The following TRPM3 variants were observed in gnomAD, a reference collection of about 807,000 sequenced individuals.
The protein encoded by TRPM3 is long transient receptor potential channel 3.
A neutral mutation model predicts 181.2 loss-of-function variants in TRPM3; 77 were observed. The observed-to-expected ratio is 0.42, with a 90% CI of 0.35 to 0.51. The LOEUF is 0.51. TRPM3 is among the 20% of genes least tolerant of loss of function. The pLI is 0.01. For synonymous variants in TRPM3, 745 were observed against 796.4 expected, an observed-to-expected ratio of 0.94 and a Z score of 1.09; for missense variants, 1,759 against 2,196.7, an observed-to-expected ratio of 0.80 and a Z score of 3.98.
intron 1 of TRPM3, among the ~76,000 whole-genome samples, chr9:71,431,649 A>C (rs76624807): frequency 2.6e-5 from 4 of 152,334 alleles, no homozygotes; most frequent in Non-Finnish European, 5.9e-5. Context: ...GGGTAGTTAT[A>C]TTTGAATTCT....
chr9:70,659,393 C>T (rs1437362869), intron 9 of TRPM3, among the ~76,000 whole-genome samples: 1 of 152,110 alleles, frequency 6.6e-6, no homozygotes, highest in African/African-American at 2.4e-5. Flanking sequence ...TGACCCAACT[C>T]ATAGGTATTT....
intron 3 of TRPM3, 65 bp downstream of exon 3, chr9:70,862,843 C>T: frequency 6.5e-7 from 1 of 1,533,944 alleles, no homozygotes. Flanking sequence ...TGCTCTTAAC[C>T]ACCCCTTTGC....
chr9:71,319,490 G>T (rs547756468), intron 1 of TRPM3, among the ~76,000 whole-genome samples: 1 of 152,048 alleles, frequency 6.6e-6, no homozygotes, highest in South Asian at 2.1e-4. Context: ...TTCCTCTACC[G>T]TTCTGTTTTA....
At chr9:70,646,629 G>T (rs2058891785) in intron 9 of TRPM3, among the ~76,000 whole-genome samples, 1 of 151,988 alleles carries the variant, frequency 6.6e-6, no homozygotes, top group Non-Finnish European at 1.5e-5. Context: ...ACTATGGGTT[G>T]ATAGGTGCAG....
At chr9:70,992,294 G>C (rs1232957766) in intron 1 of TRPM3, among the ~76,000 whole-genome samples, 1 of 152,138 alleles carries the variant, frequency 6.6e-6, no homozygotes, top group Admixed American at 6.5e-5. Context: ...GCTCTCTACT[G>C]TGTAGGATGT....
intron 5 of TRPM3, among the ~76,000 whole-genome samples, chr9:70,836,186 C>T (rs948263768): frequency 2.0e-5 from 3 of 152,184 alleles, no homozygotes; most frequent in African/African-American, 7.2e-5. Context: ...AGTGTACCCA[C>T]AGTTGATCTT....
intron 9 of TRPM3, among the ~76,000 whole-genome samples, chr9:70,672,322 T>C (rs961034217): frequency 1.3e-5 from 2 of 152,172 alleles, no homozygotes; most frequent in East Asian, 3.9e-4. Flanking sequence ...TGTTTCCTTC[T>C]GATTGGGGTT....
chr9:70,537,383 G>T lies in TRPM3; in HGVS notation c.3730C>A (p.Leu1244Met), dbSNP rs747417243. 2 of 1,488,886 alleles carry T rather than the reference G, an allele frequency of 1.3e-6. No individual in the cohort carries two copies. Among genetic ancestry groups the T allele is most frequent in the African/African-American group, 1.4e-5 (1 of 71,416 alleles). 92.2% of individuals were successfully genotyped at this position (1,488,886 alleles called of 1,614,324 possible). A position where few individuals can be genotyped will look rare whatever the true frequency, so the allele number is the denominator to read the frequency against. The change falls in exon 26 of 26, where the codon CTG (leucine) becomes ATG (methionine). Residue 1244 changes from leucine (L) to methionine (M), a missense_variant. By Grantham distance (15) the Leu-to-Met change is conservative. Around this residue, in one of 8 missense-constraint regions of TRPM3, gnomAD observed 96 missense variants for 129.6 expected, o/e 0.74. Coordinates refer to ENST00000677713, the MANE Select transcript of TRPM3 (RefSeq NM_001366145.2). ...SERVENMSMRLEEVNEREHSM... is the reference protein window; with the variant it reads ...SERVENMSMRMEEVNEREHSM... ...TGCTCTCTCTCGTTGACTTCCTCCA[G>T]CCGCATAGACATGTTCTCCACCCTG...
At chr9:71,335,054 T>C (rs1052811189) in intron 1 of TRPM3, among the ~76,000 whole-genome samples, 1 of 152,124 alleles carries the variant, frequency 6.6e-6, no homozygotes, top group African/African-American at 2.4e-5. Context: ...CATAATGGAA[T>C]GAAATGAACT....
At chr9:71,367,028 G>T (rs1458583652) in intron 1 of TRPM3, among the ~76,000 whole-genome samples, 1 of 152,114 alleles carries the variant, frequency 6.6e-6, no homozygotes, top group Non-Finnish European at 1.5e-5. Context: ...ATTACAGGAG[G>T]TTTTTGTTTT....
At chr9:70,758,660 C>T (rs545438325) in intron 8 of TRPM3, among the ~76,000 whole-genome samples, 1 of 152,156 alleles carries the variant, frequency 6.6e-6, no homozygotes, top group East Asian at 1.9e-4. Context: ...AGAACAGAGG[C>T]CTCAGAAATA....
chr9:71,386,738 G>A (rs2092933089), intron 1 of TRPM3, among the ~76,000 whole-genome samples: 1 of 152,122 alleles, frequency 6.6e-6, no homozygotes. Flanking sequence ...TTAAGCCATG[G>A]ATAAGGGCTC....
At chr9:71,130,433 A>G (rs2074300293) in intron 1 of TRPM3, among the ~76,000 whole-genome samples, 1 of 152,210 alleles carries the variant, frequency 6.6e-6, no homozygotes, top group African/African-American at 2.4e-5. Flanking sequence ...TAGTAAGTAC[A>G]GACCAAAGGT....
chr9:71,161,591 A>G (rs1190032346), intron 1 of TRPM3, among the ~76,000 whole-genome samples: 1 of 152,178 alleles, frequency 6.6e-6, no homozygotes, highest in Non-Finnish European at 1.5e-5. Flanking sequence ...AGTGTGGGGT[A>G]ACTGAAAGAA....
intron 3 of TRPM3, among the ~76,000 whole-genome samples, chr9:70,862,620 C>G (rs1288578189): frequency 6.6e-6 from 1 of 152,032 alleles, no homozygotes; most frequent in Non-Finnish European, 1.5e-5. Context: ...CAGTGAATAA[C>G]TATAGAAAGC....
intron 7 of TRPM3, among the ~76,000 whole-genome samples, chr9:70,778,012 C>CAA (rs61425176): frequency 6.6e-6 from 1 of 151,226 alleles, no homozygotes; most frequent in Non-Finnish European, 1.5e-5. Flanking sequence ...CACACACACA[C>CAA]AAAACACTGC....
Position 71,419,095 on chromosome 9 carries a change from G to A in TRPM3, c.183+27558C>T, listed in dbSNP as rs145909817. Among the ~76,000 whole-genome samples, 858 of 151,558 alleles carry A rather than the reference G, an allele frequency of 5.7e-3. 13 individuals carry two copies. The highest frequency in any genetic ancestry group is 0.019 in the African/African-American group (807 of 41,400). ...AAAACTAAAAAGCTATCAAAAAAAT[G>A]TAAAATATTGGAGCTCTTATAGGTT... On this transcript the variant is annotated intron_variant, in intron 1 of 24. Coordinates refer to the TRPM3 transcript ENST00000357533.
intron 6 of TRPM3, among the ~76,000 whole-genome samples, chr9:70,806,130 ATTC>A (rs1364001767): frequency 6.6e-6 from 1 of 152,144 alleles, no homozygotes; most frequent in African/African-American, 2.4e-5. Flanking sequence ...AGAGTTCTTC[ATTC>A]TTCTGCCTGC....
upstream of TRPM3, among the ~76,000 whole-genome samples, chr9:71,124,078 C>T (rs1587500107): frequency 6.6e-6 from 1 of 152,098 alleles, no homozygotes; most frequent in African/African-American, 2.4e-5. Flanking sequence ...AGCACAAAAC[C>T]TTCAGGGAAT....
Sources: gnomAD v4.1 joint callset for allele counts (sites outside exome capture counted in the v4.1 genomes callset) on GRCh38, gnomAD v4.1.1 for gene constraint, gnomAD v4.1.1 regional missense constraint, MANE v1.5 for transcripts, NCBI Gene and HGNC (gene_info 2026-07-23, HGNC 2026-07-21) for gene names.